Variants in SLIT2 observed in about 807,000 individuals in gnomAD.
SLIT2 encodes slit guidance ligand 2.
A neutral mutation model predicts 185.7 loss-of-function variants in SLIT2; 41 were observed. The observed-to-expected ratio is 0.22, with a 90% CI of 0.17 to 0.29. The LOEUF is 0.29. Ranked by LOEUF, SLIT2 falls within the 10% of genes least tolerant of loss-of-function variation. The probability of loss-of-function intolerance (pLI) is 1.00; values close to 1 mark genes in which losing one functional copy is unlikely to be tolerated. For missense variants in SLIT2, 1,571 were observed against 1,909.0 expected, an observed-to-expected ratio of 0.82 and a Z score of 3.30; for synonymous variants, 693 against 680.2, an observed-to-expected ratio of 1.02 and a Z score of -0.29.
intron 4 of SLIT2, among the ~76,000 whole-genome samples, chr4:20,387,436 A>G (rs1725022334): frequency 6.6e-6 from 1 of 152,070 alleles, no homozygotes; most frequent in African/African-American, 2.4e-5. Flanking sequence ...AGTATTGTTT[A>G]CCATTTTTGG....
chr4:20,412,393 TATAAG>T (rs1400040885), intron 4 of SLIT2, among the ~76,000 whole-genome samples: 2 of 152,160 alleles, frequency 1.3e-5, no homozygotes, highest in Non-Finnish European at 2.9e-5. Flanking sequence ...TTAATCATCT[TATAAG>T]AGAAATTGTT....
Position 20,369,910 on chromosome 4 carries a change from C to A in SLIT2, c.396-97842C>A, listed in dbSNP as rs537804901. On this transcript the variant is annotated intron_variant, in intron 4 of 36. Transcript: ENST00000504154. ...CAAGCTACCTTTCTCCCTTGCAAATCCCCTTTCTTCTTTCCTCGAAAGACT... is the reference window on the plus strand; with the variant it reads ...CAAGCTACCTTTCTCCCTTGCAAATACCCTTTCTTCTTTCCTCGAAAGACT... 5.7e-4 allele frequency among the ~76,000 whole-genome samples: 87 copies of A among 152,228 alleles called. No homozygotes were observed. The South Asian group carries it at 0.015, about 25-fold the overall frequency.
intron 4 of SLIT2, among the ~76,000 whole-genome samples, chr4:20,450,476 G>A (rs1445982300): frequency 6.6e-6 from 1 of 152,080 alleles, no homozygotes; most frequent in Non-Finnish European, 1.5e-5. Context: ...GTCAATCCAT[G>A]ATTACCATTG....
Position 20,279,223 on chromosome 4 carries a change from G to A in SLIT2, c.395+10342G>A, listed in dbSNP as rs189034016. ...AATACTCTGTATTGTACTTGGCAGTGATTAGTTAAAATTAACCTCCCATTT... is the reference window on the plus strand; with the variant it reads ...AATACTCTGTATTGTACTTGGCAGTAATTAGTTAAAATTAACCTCCCATTT... On this transcript the variant is annotated intron_variant, in intron 4 of 36. Coordinates refer to ENST00000504154, the MANE Select transcript of SLIT2 (RefSeq NM_004787.4). 1.8e-3 allele frequency among the ~76,000 whole-genome samples: 281 copies of A among 152,244 alleles called. 1 individual carries two copies. In the Middle Eastern group the frequency reaches 0.024, roughly 13 times the overall value.
At chr4:20,341,102 A>G (rs1361518311) in intron 4 of SLIT2, among the ~76,000 whole-genome samples, 5 of 152,164 alleles carry the variant, frequency 3.3e-5, no homozygotes, top group Non-Finnish European at 7.4e-5. Flanking sequence ...GGCCTTCAAA[A>G]CAAGTTGCCA....
intron 4 of SLIT2, among the ~76,000 whole-genome samples, chr4:20,365,425 A>G (rs544342013): frequency 6.4e-4 from 97 of 152,240 alleles, no homozygotes; most frequent in African/African-American, 1.8e-3. Flanking sequence ...TTGAAGCCTC[A>G]GTTGAAGGCT....
chr4:20,457,368 A>T (rs1272272525), intron 4 of SLIT2, among the ~76,000 whole-genome samples: 2 of 152,038 alleles, frequency 1.3e-5, no homozygotes, highest in East Asian at 3.9e-4. Context: ...ATTGCTAGAA[A>T]AAAGAATGTT....
At chr4:20,431,539 G>A (rs1012363508) in intron 4 of SLIT2, among the ~76,000 whole-genome samples, 5 of 152,050 alleles carry the variant, frequency 3.3e-5, no homozygotes, top group South Asian at 2.1e-4. Flanking sequence ...CAGGCCTTTC[G>A]CTGCAGTCTG....
intron 4 of SLIT2, among the ~76,000 whole-genome samples, chr4:20,421,833 T>C (rs1728194427): frequency 6.6e-6 from 1 of 152,148 alleles, no homozygotes; most frequent in South Asian, 2.1e-4. Context: ...TCCTTCCCTT[T>C]CTCCATTTGA....
intron 4 of SLIT2, among the ~76,000 whole-genome samples, chr4:20,418,805 CACAT>C (rs1423244246): frequency 1.3e-5 from 2 of 152,110 alleles, no homozygotes; most frequent in Non-Finnish European, 2.9e-5. Context: ...AAATAACACA[CACAT>C]ACACATACAC....
intron 21 of SLIT2, among the ~76,000 whole-genome samples, chr4:20,545,489 C>T (rs1003004792): frequency 2.0e-5 from 3 of 150,856 alleles, no homozygotes; most frequent in Admixed American, 2.0e-4. Context: ...TTATACACTT[C>T]ATCAATTTAT....
intron 3 of SLIT2, among the ~76,000 whole-genome samples, chr4:20,266,171 T>G (rs1169785470): frequency 6.6e-6 from 1 of 151,378 alleles, no homozygotes; most frequent in East Asian, 1.9e-4. Context: ...AAGAAAGGGA[T>G]AATAATTAAG....
intron 8 of SLIT2, 109 bp downstream of exon 8, chr4:20,489,091 T>C (rs1717534686): frequency 2.6e-6 from 2 of 759,018 alleles, no homozygotes; most frequent in Non-Finnish European, 4.3e-6. Context: ...TAATGTTCAA[T>C]TGTGCACTAA....
At chr4:20,490,011 C>G (rs1295766902) in intron 8 of SLIT2, 4 of 152,252 alleles carry the variant, frequency 2.6e-5, no homozygotes, top group African/African-American at 9.7e-5. Flanking sequence ...TGGCGTGAAC[C>G]CCGGAGGTGG....
chr4:20,328,603 A>G (rs975044431), intron 4 of SLIT2, among the ~76,000 whole-genome samples: 1 of 152,082 alleles, frequency 6.6e-6, no homozygotes, highest in South Asian at 2.1e-4. Context: ...AAAAAAAATT[A>G]TATTTGAAAA....
chr4:20,566,511 A>T (rs547021132), intron 26 of SLIT2, among the ~76,000 whole-genome samples: 1 of 152,200 alleles, frequency 6.6e-6, no homozygotes, highest in African/African-American at 2.4e-5. Flanking sequence ...TATGCATTTA[A>T]TCGAGACCTT....
rs538850251 is a variant in SLIT2, at chr4:20,537,636, TCA to T, written c.1833-1803_1833-1802del. ...ACATTTTAGCACCTGAGACAGATAT[TCA>T]CGGACTCCCTCCTTAATCTAGTTAG... On this transcript the variant is annotated intron_variant, in intron 18 of 36. Transcript: ENST00000504154. 3.0e-4 allele frequency among the ~76,000 whole-genome samples: 46 copies of T among 152,318 alleles called. No homozygotes were observed. In the East Asian group the frequency reaches 8.9e-3, roughly 29 times the overall value.
chr4:20,265,420 A>C (rs1485754980), intron 3 of SLIT2, among the ~76,000 whole-genome samples: 2 of 151,942 alleles, frequency 1.3e-5, no homozygotes, highest in Admixed American at 6.6e-5. Context: ...AGTGGAGCCA[A>C]ATGTGTATTG....
chr4:20,261,439 C>T (rs1008959495), intron 3 of SLIT2, among the ~76,000 whole-genome samples: 1 of 151,704 alleles, frequency 6.6e-6, no homozygotes, highest in Non-Finnish European at 1.5e-5. Context: ...TTGGATGCTG[C>T]ATAATGTCCT....
Sources: gnomAD v4.1 joint callset for allele counts (sites outside exome capture counted in the v4.1 genomes callset) on GRCh38, gnomAD v4.1.1 for gene constraint, MANE v1.5 for transcripts, NCBI Gene and HGNC (gene_info 2026-07-23, HGNC 2026-07-21) for gene names.